The following GRID2IP variants were observed in gnomAD, a reference collection of about 807,000 sequenced individuals.
GRID2IP encodes the protein delphilin.
In GRID2IP, 78 loss-of-function variants were observed where a neutral mutation model predicts 114.3. The ratio of observed to expected loss-of-function variants is 0.68; its 90% CI spans 0.57 to 0.82. The LOEUF is 0.82. GRID2IP is among the 40% of genes least tolerant of loss of function. The probability of loss-of-function intolerance (pLI) is 0.00; values close to 1 mark genes in which losing one functional copy is unlikely to be tolerated. For missense variants in GRID2IP, 1,727 were observed against 1,678.5 expected, an observed-to-expected ratio of 1.03 and a Z score of -0.51; for synonymous variants, 809 against 724.0, an observed-to-expected ratio of 1.12 and a Z score of -1.89.
In GRID2IP at chr7:6,534,170, C is replaced by A. The variant is rs1583350570; in HGVS notation, c.584+5548G>T. ...CAGACAAACTGTAGATGTCAGTGAACCTGCCTGAGATTGCACTGCCAGTGA... is the reference window on the plus strand; with the variant it reads ...CAGACAAACTGTAGATGTCAGTGAAACTGCCTGAGATTGCACTGCCAGTGA... On this transcript the variant is annotated intron_variant, in intron 2 of 21. Coordinates refer to ENST00000457091, the MANE Select transcript of GRID2IP (RefSeq NM_001145118.2). The surrounding 1 kb of genome is among the most constrained non-coding windows in gnomAD (Gnocchi z 4.5). Among the ~76,000 whole-genome samples, 1 of 152,268 alleles carries A rather than the reference C, an allele frequency of 6.6e-6. No individual in the cohort carries two copies. Among genetic ancestry groups the A allele is most frequent in the Middle Eastern group, 3.4e-3 (1 of 294 alleles).
chr7:6,531,151 C>A, intron 2 of GRID2IP: 1 of 501,498 alleles, frequency 2.0e-6, no homozygotes, highest in South Asian at 2.7e-5. Flanking sequence ...CAGGGGGTAG[C>A]CGAGCCCAGG....
chr7:6,502,664 G>A (rs1376052795), intron 18 of GRID2IP, 122 bp downstream of exon 18: 2 of 484,422 alleles, frequency 4.1e-6, no homozygotes, highest in Non-Finnish European at 7.8e-6. Flanking sequence ...TTTCCTGCTA[G>A]GAGGAGAGCC....
Position 6,526,116 on chromosome 7 carries a change from G to A in GRID2IP, c.919+108C>T. On this transcript the variant is annotated intron_variant, in intron 4 of 21. Coordinates refer to ENST00000457091, the MANE Select transcript of GRID2IP (RefSeq NM_001145118.2). This position sits in a 1 kb window ranked among gnomAD's most constrained non-coding sequence, Gnocchi z 7.6. ...GGATGGTACCTGACGTGGAGGGGTT[G>A]CTGAGCAGGAGCCTACATGGGGTAC... 1.2e-6 allele frequency: 1 copy of A among 810,780 alleles called. No homozygotes were observed. The highest frequency in any genetic ancestry group is 2.1e-6 in the Non-Finnish European group (1 of 482,924). 50.2% of individuals were successfully genotyped at this position (810,780 alleles called of 1,614,324 possible). A position where few individuals can be genotyped will look rare whatever the true frequency, so the allele number is the denominator to read the frequency against.
intron 1 of GRID2IP, among the ~76,000 whole-genome samples, chr7:6,540,269 C>A (rs1779793211): frequency 6.6e-6 from 1 of 151,868 alleles, no homozygotes; most frequent in African/African-American, 2.4e-5. Context: ...TGCGCCACCA[C>A]GCCCGGCTGA....
At position 6,509,494 on chromosome 7, in the gene GRID2IP, G is replaced by C. The variant is rs143746747; in HGVS notation, c.1772-181C>G. Among the ~76,000 whole-genome samples the C allele has an allele frequency of 2.2e-4, 34 of 152,314 alleles. No homozygotes were observed. Among genetic ancestry groups the C allele is most frequent in the Non-Finnish European group, 4.0e-4 (27 of 68,020 alleles). On this transcript the variant is annotated intron_variant, in intron 11 of 21. Transcript: ENST00000457091. The surrounding 1 kb of genome is among the most constrained non-coding windows in gnomAD (Gnocchi z 4.9). ...GCCTTCCAAGCATGACTAAAGGCCA[G>C]ATCTGGTGAGCAGGAGCACTGCTCG...
rs894949911 is a variant in GRID2IP at position 6,520,811 on chromosome 7, C to T, written c.1085-50G>A. On this transcript the variant is annotated intron_variant, in intron 6 of 21. Coordinates refer to ENST00000457091, the MANE Select transcript of GRID2IP (RefSeq NM_001145118.2). The surrounding 1 kb of genome is among the most constrained non-coding windows in gnomAD (Gnocchi z 4.6). ...GCATGAGTGACTCAGAGTCCCCAGG[C>T]CAGGTGTAGTCTCCCTGGCTTTTGA... 2.0e-6 allele frequency: 3 copies of T among 1,506,056 alleles called. No homozygotes were observed. The highest frequency in any genetic ancestry group is 9.0e-7 in the Non-Finnish European group (1 of 1,114,648). The allele number at this position is 1,506,056 out of a possible 1,614,324, so 93.3% of individuals were successfully genotyped here.
chr7:6,539,633 A>G (rs933379549), intron 2 of GRID2IP, 85 bp downstream of exon 2: 13 of 1,294,514 alleles, frequency 1.0e-5, no homozygotes, highest in Non-Finnish European at 1.4e-5. Context: ...CTGGGCTGGA[A>G]GGGGTGCCTG....
At position 6,510,939 on chromosome 7, in the gene GRID2IP, C is replaced by T. The variant is rs1562514916; in HGVS notation, c.1524G>A (p.Arg508=). Reference sequence around the variant, plus strand: ...TGAGGCCGGCCTCCAGGCCCTGGGACCGGAGGCTGCGGCGGCACATGGAGG... The same window carrying T: ...TGAGGCCGGCCTCCAGGCCCTGGGATCGGAGGCTGCGGCGGCACATGGAGG... ...RASSMCRRSL[R]SQGLEAGLSC... is the part of the protein sequence containing the mutation. Residue 508 remains arginine, a synonymous_variant, in exon 9 of 22, where the codon CGG becomes CGA. Transcript: ENST00000457091. 1.3e-6 allele frequency: 2 copies of T among 1,549,386 alleles called. No homozygotes were observed. Among genetic ancestry groups the T allele is most frequent in the Non-Finnish European group, 1.7e-6 (2 of 1,145,836 alleles).
Position 6,509,953 on chromosome 7 carries a change from T to C in GRID2IP, c.1771+330A>G, listed in dbSNP as rs988388712. 6.6e-6 allele frequency among the ~76,000 whole-genome samples: 1 copy of C among 152,078 alleles called. No homozygotes were observed. The highest frequency in any genetic ancestry group is 1.5e-5 in the Non-Finnish European group (1 of 68,016). On this transcript the variant is annotated intron_variant, in intron 11 of 21. Transcript: ENST00000457091. This position sits in a 1 kb window ranked among gnomAD's most constrained non-coding sequence, Gnocchi z 4.9. ...AAGTGATCCTCCCGCCTCAGCCTCT[T>C]GAGGAGTTGGGACTACAGGCATATG... is the stretch of plus-strand genomic sequence containing the variant.
chr7:6,529,172 C>T (rs1554276805), intron 2 of GRID2IP, among the ~76,000 whole-genome samples: 1 of 152,148 alleles, frequency 6.6e-6, no homozygotes, highest in Non-Finnish European at 1.5e-5. Flanking sequence ...CCCTGTCGTC[C>T]GGGCGCGGTG....
intron 7 of GRID2IP, among the ~76,000 whole-genome samples, chr7:6,517,552 A>C (rs997857564): frequency 6.6e-6 from 1 of 152,154 alleles, no homozygotes; most frequent in Non-Finnish European, 1.5e-5. Flanking sequence ...CTAATAACAG[A>C]AGTAACAAAT....
At chr7:6,500,080 A>G (rs965099868) in intron 20 of GRID2IP, among the ~76,000 whole-genome samples, 1 of 151,990 alleles carries the variant, frequency 6.6e-6, no homozygotes, top group East Asian at 1.9e-4. Flanking sequence ...GGGGACCTCC[A>G]AGCCCAAGGA....
chr7:6,543,387 C>T (rs1302191257), intron 1 of GRID2IP, among the ~76,000 whole-genome samples: 1 of 148,066 alleles, frequency 6.8e-6, no homozygotes, highest in Non-Finnish European at 1.5e-5. Flanking sequence ...CAGAGCGAGG[C>T]TCTGTCTCAA....
At chr7:6,498,329 G>A in intron 20 of GRID2IP, 101 bp from the exon 21 acceptor site, 1 of 1,175,312 alleles carries the variant, frequency 8.5e-7, no homozygotes, top group Non-Finnish European at 1.2e-6. Flanking sequence ...TTCCCGGTTG[G>A]CCTGAGTCCT....
chr7:6,546,968 T>A (rs1779898323), intron 1 of GRID2IP, among the ~76,000 whole-genome samples: 2 of 152,204 alleles, frequency 1.3e-5, no homozygotes, highest in African/African-American at 2.4e-5. Flanking sequence ...CCCTCTTTCC[T>A]GGACACACAT....
chr7:6,543,420 AG>A (rs1316858341), intron 1 of GRID2IP, among the ~76,000 whole-genome samples: 1 of 149,982 alleles, frequency 6.7e-6, no homozygotes, highest in Non-Finnish European at 1.5e-5. Context: ...CCCCCTTTGT[AG>A]TCAAGGCCAA....
At chr7:6,512,231 C>CTTTTTTTTTTTTTTTTTTCTTTTTT (rs1002835555) in intron 8 of GRID2IP, among the ~76,000 whole-genome samples, 1 of 90,196 alleles carries the variant, frequency 1.1e-5, no homozygotes, top group Non-Finnish European at 2.1e-5. Context: ...TTCTTTTCTT[C>CTTTTTTTTTTTTTTTTTTCTTTTTT]TTTTTTTTTT....
chr7:6,542,847 C>T (rs1164551795), intron 1 of GRID2IP, among the ~76,000 whole-genome samples: 1 of 152,160 alleles, frequency 6.6e-6, no homozygotes, highest in African/African-American at 2.4e-5. Context: ...GCACATACTC[C>T]ATGAGACCCT....
intron 1 of GRID2IP, 30 bp downstream of exon 1, chr7:6,550,978 C>T (rs1779965448): frequency 2.3e-6 from 2 of 862,324 alleles, no homozygotes; most frequent in Non-Finnish European, 1.5e-6. Flanking sequence ...CCCCTCCTTC[C>T]CGCCCCCACC....
Sources: gnomAD v4.1 joint callset for allele counts (sites outside exome capture counted in the v4.1 genomes callset) on GRCh38, gnomAD v4.1.1 for gene constraint, Gnocchi (gnomAD v3.1) non-coding constraint, MANE v1.5 for transcripts, NCBI Gene and HGNC (gene_info 2026-07-23, HGNC 2026-07-21) for gene names.